Variants in BLVRA observed in about 807,000 individuals in gnomAD.
The protein encoded by BLVRA is BVR A.
In BLVRA, 22 loss-of-function variants were observed where a neutral mutation model predicts 32.8. That is an observed-to-expected ratio of 0.67 (90% CI 0.48 to 0.96). The LOEUF (loss-of-function observed/expected upper bound fraction) is 0.96, where lower values mean the gene tolerates loss of function less well. BLVRA is among the 40% of genes least tolerant of loss of function. The probability of loss-of-function intolerance (pLI) is 0.00; values close to 1 mark genes in which losing one functional copy is unlikely to be tolerated. For synonymous variants in BLVRA, 119 were observed against 141.3 expected (o/e 0.84, Z 1.12); for missense variants, 323 against 358.1 (o/e 0.90, Z 0.79).
intron 1 of BLVRA, among the ~76,000 whole-genome samples, chr7:43,768,162 G>A (rs2095750250): frequency 1.3e-5 from 2 of 152,206 alleles, no homozygotes; most frequent in Admixed American, 1.3e-4. Context: ...TCATGACTGA[G>A]GGTATCATTC....
intron 7 of BLVRA, among the ~76,000 whole-genome samples, chr7:43,804,728 C>T (rs892432636): frequency 6.6e-6 from 1 of 152,154 alleles, no homozygotes. Flanking sequence ...CATACCAGGT[C>T]TTTTTTAACA....
chr7:43,789,782 A>G (rs1309575033), intron 3 of BLVRA, among the ~76,000 whole-genome samples: 1 of 151,982 alleles, frequency 6.6e-6, no homozygotes, highest in Non-Finnish European at 1.5e-5. Context: ...CTCCCCAGGA[A>G]GCTTTTCTGG....
Position 43,792,569 on chromosome 7 carries a change from G to A in BLVRA, c.255-146G>A, listed in dbSNP as rs576532994. The A allele has an allele frequency of 1.6e-4, 115 of 739,900 alleles. No individual in the cohort carries two copies. The South Asian group carries it at 1.7e-3, about 11-fold the overall frequency. 45.8% of individuals were successfully genotyped at this position (739,900 alleles called of 1,614,324 possible). Reference sequence around the variant, plus strand: ...GGATACAGTTCTTCCTCCATATCCCGTGGCACTGACTCCTACCCCCAGTCA... The same window carrying A: ...GGATACAGTTCTTCCTCCATATCCCATGGCACTGACTCCTACCCCCAGTCA... On this transcript the variant is annotated intron_variant, in intron 4 of 7. Coordinates refer to ENST00000265523, the MANE Select transcript of BLVRA (RefSeq NM_000712.4).
At chr7:43,791,061 C>G (rs942104629) in intron 3 of BLVRA, among the ~76,000 whole-genome samples, 188 bp from the exon 4 acceptor site, 3 of 152,178 alleles carry the variant, frequency 2.0e-5, no homozygotes, top group African/African-American at 7.2e-5. Context: ...ATGCCAGATC[C>G]CCTGACTTGA....
chr7:43,788,919 G>A lies in BLVRA; in HGVS notation c.134+894G>A, dbSNP rs114783423. Among the ~76,000 whole-genome samples the A allele has an allele frequency of 4.8e-3, 732 of 151,750 alleles. 6 individuals carry two copies. The highest frequency in any genetic ancestry group is 0.017 in the African/African-American group (708 of 41,366). ...CTCCCAAAGTGCTGAGATTATAGGC[G>A]TGAGCCAGTGCACCCAGCCTCCCCC... On this transcript the variant is annotated intron_variant, in intron 3 of 7. Coordinates refer to ENST00000265523, the MANE Select transcript of BLVRA (RefSeq NM_000712.4).
intron 3 of BLVRA, among the ~76,000 whole-genome samples, chr7:43,789,642 C>T (rs1384431189): frequency 6.6e-6 from 1 of 151,796 alleles, no homozygotes; most frequent in Non-Finnish European, 1.5e-5. Flanking sequence ...TCAGTGGGAA[C>T]ACCTACACTA....
chr7:43,801,560 T>C (rs779590940), intron 6 of BLVRA, among the ~76,000 whole-genome samples: 7 of 152,194 alleles, frequency 4.6e-5, no homozygotes, highest in African/African-American at 7.2e-5. Flanking sequence ...TCAAAATCTG[T>C]CTTCATCCTT....
intron 1 of BLVRA, among the ~76,000 whole-genome samples, chr7:43,763,356 G>A (rs2095744453): frequency 6.6e-6 from 1 of 152,108 alleles, no homozygotes; most frequent in African/African-American, 2.4e-5. Context: ...CTCTCTTTCT[G>A]TTTCTTGCCT....
intron 3 of BLVRA, among the ~76,000 whole-genome samples, chr7:43,788,283 CAGTT>C (rs1298724380): frequency 2.6e-5 from 4 of 152,162 alleles, no homozygotes; most frequent in African/African-American, 4.8e-5. Flanking sequence ...TCAAGGCTGA[CAGTT>C]AGAGAAGGGG....
intron 2 of BLVRA, among the ~76,000 whole-genome samples, chr7:43,784,323 T>A (rs149539489): frequency 6.6e-6 from 1 of 152,254 alleles, no homozygotes; most frequent in East Asian, 1.9e-4. Context: ...TCTCACTGGC[T>A]TCCTTCTCTG....
intron 3 of BLVRA, among the ~76,000 whole-genome samples, chr7:43,788,416 C>T (rs2132575472): frequency 6.6e-6 from 1 of 152,318 alleles, no homozygotes; most frequent in East Asian, 1.9e-4. Context: ...TGTGATATTT[C>T]CTTCTGCGTA....
chr7:43,801,622 TGTTAAGTTAAGTAA>T (rs1245142573), intron 6 of BLVRA, among the ~76,000 whole-genome samples: 2 of 125,752 alleles, frequency 1.6e-5, no homozygotes, highest in African/African-American at 5.1e-5. Flanking sequence ...CAAGAAACTG[TGTTAAGTTAAGTAA>T]GTTAAGTACA....
intron 5 of BLVRA, among the ~76,000 whole-genome samples, chr7:43,799,202 T>C (rs940616670): frequency 1.3e-5 from 2 of 152,200 alleles, no homozygotes; most frequent in East Asian, 3.9e-4. Context: ...ACAGACATCC[T>C]CCTTGCTCCT....
rs953115147 is a variant in BLVRA at position 43,799,451 on chromosome 7, G to A, written c.353-1014G>A. Among the ~76,000 whole-genome samples the A allele has an allele frequency of 2.6e-5, 4 of 151,958 alleles. No homozygotes were observed. The East Asian group carries it at 5.8e-4, about 22-fold the overall frequency. On this transcript the variant is annotated intron_variant, in intron 5 of 7. Transcript: ENST00000265523. The stretch of plus-strand genomic sequence containing the variant: ...AAAAATTTTATATAGCAAAAAAATT[G>A]TTAACAGCTTTCTTTTATAATCCAA...
intron 1 of BLVRA, among the ~76,000 whole-genome samples, chr7:43,761,647 A>G (rs996803320): frequency 1.3e-5 from 2 of 152,194 alleles, no homozygotes; most frequent in African/African-American, 4.8e-5. Context: ...GTTATAGGGA[A>G]AATTTTCTGT....
intron 1 of BLVRA, among the ~76,000 whole-genome samples, chr7:43,760,770 C>CTT (rs34256119): frequency 3.2e-4 from 42 of 133,136 alleles, no homozygotes; most frequent in African/African-American, 1.1e-3. Context: ...CCTCTTGAGT[C>CTT]TTTTTTTTTT....
At chr7:43,785,044 C>G (rs373285306) in intron 2 of BLVRA, among the ~76,000 whole-genome samples, 1 of 152,160 alleles carries the variant, frequency 6.6e-6, no homozygotes, top group African/African-American at 2.4e-5. Context: ...GTATCATTAA[C>G]TAATGAAATC....
intron 5 of BLVRA, among the ~76,000 whole-genome samples, chr7:43,796,065 A>G (rs1395654701): frequency 6.7e-6 from 1 of 149,384 alleles, no homozygotes; most frequent in Non-Finnish European, 1.5e-5. Context: ...GGTTGTGGTG[A>G]GCCGAGATTG....
chr7:43,786,871 C>A (rs2095778262), intron 2 of BLVRA, among the ~76,000 whole-genome samples: 1 of 151,908 alleles, frequency 6.6e-6, no homozygotes, highest in East Asian at 1.9e-4. Flanking sequence ...AGATGACATT[C>A]ATGTTTCTAT....
Sources: gnomAD v4.1 joint callset for allele counts (sites outside exome capture counted in the v4.1 genomes callset) on GRCh38, gnomAD v4.1.1 for gene constraint, MANE v1.5 for transcripts, NCBI Gene and HGNC (gene_info 2026-07-23, HGNC 2026-07-21) for gene names.